ABL2: variants seen among roughly 807,000 people sequenced by gnomAD.
The protein encoded by ABL2 is ABL proto-oncogene 2, non-receptor tyrosine kinase.
Under a neutral mutation model 107.7 loss-of-function variants are expected in ABL2, and 49 were observed. That is an observed-to-expected ratio of 0.45 (90% confidence interval 0.36 to 0.58). ABL2 has a LOEUF of 0.58. Ranked by LOEUF, ABL2 falls within the 20% of genes least tolerant of loss-of-function variation. ABL2 has a pLI of 0.00. For missense variants in ABL2, 1,245 were observed against 1,457.0 expected, an observed-to-expected ratio of 0.85 and a Z score of 2.37; for synonymous variants, 549 against 548.6, an observed-to-expected ratio of 1.00 and a Z score of -0.01.
intron 1 of ABL2, among the ~76,000 whole-genome samples, chr1:179,220,610 C>G (rs955706026): frequency 3.4e-4 from 51 of 152,204 alleles, no homozygotes; most frequent in African/African-American, 1.2e-3. Flanking sequence ...GCATGGAATA[C>G]AGAAAACAAA....
intron 1 of ABL2, among the ~76,000 whole-genome samples, chr1:179,169,243 A>G (rs866305917): frequency 5.3e-5 from 8 of 152,142 alleles, no homozygotes; most frequent in African/African-American, 1.4e-4. Flanking sequence ...ATGAGAAACA[A>G]TAACAGTTGA....
Position 179,118,758 on chromosome 1 carries a change from C to A in ABL2, c.1052G>T (p.Cys351Phe). The A allele has an allele frequency of 6.2e-7, 1 of 1,613,894 alleles. No homozygotes were observed. Among genetic ancestry groups the A allele is most frequent in the Admixed American group, 1.7e-5 (1 of 59,968 alleles). Residue 351 changes from cysteine (C) to phenylalanine (F), a missense_variant, in exon 7 of 12, where the codon TGT becomes TTT. Cys to Phe is a radical substitution (Grantham distance 205). Coordinates refer to ENST00000502732, the MANE Select transcript of ABL2 (RefSeq NM_007314.4). ...AATGTAAAATGGTGGCTCCAAAGTA[C>A]ACACACCTAAAAGTTGAACAATAGT... is the stretch of plus-strand genomic sequence containing the variant. Reference protein sequence around the residue: ...HPNLVQLLGVCTLEPPFYIVT... With the variant: ...HPNLVQLLGVFTLEPPFYIVT...
chr1:179,158,678 C>A (rs1036351314), intron 1 of ABL2, among the ~76,000 whole-genome samples: 3 of 152,054 alleles, frequency 2.0e-5, no homozygotes, highest in Non-Finnish European at 2.9e-5. Flanking sequence ...ACATGGGTAG[C>A]GCACACACAC....
At chr1:179,157,249 C>T (rs1658754320) in intron 1 of ABL2, among the ~76,000 whole-genome samples, 1 of 152,126 alleles carries the variant, frequency 6.6e-6, no homozygotes, top group Non-Finnish European at 1.5e-5. Flanking sequence ...AATCCCAGAA[C>T]TTTGGGAGGC....
chr1:179,147,181 CAAA>C (rs58297805), intron 1 of ABL2, among the ~76,000 whole-genome samples: 7 of 50,534 alleles, frequency 1.4e-4, no homozygotes, highest in African/African-American at 4.5e-4. Flanking sequence ...CAGAGAAATG[CAAA>C]AAAAAAAAAA....
rs1242972437 is a variant in ABL2 at position 179,150,076 on chromosome 1, A to AT, written c.158-16703dup. Among the ~76,000 whole-genome samples the AT allele has an allele frequency of 3.2e-4, 48 of 150,456 alleles. No individual in the cohort carries two copies. In the East Asian group the frequency reaches 4.7e-3, roughly 15 times the overall value. The stretch of plus-strand genomic sequence containing the variant: ...GTGAGACCCCATCTCTAAAAAAAAA[A>AT]TTTTTTTTTTCTAATTATCCAGGCA... On this transcript the variant is annotated intron_variant, in intron 1 of 11. Coordinates refer to ENST00000502732, the MANE Select transcript of ABL2 (RefSeq NM_007314.4).
chr1:179,144,193 C>G (rs1208734140), intron 1 of ABL2, among the ~76,000 whole-genome samples: 1 of 152,044 alleles, frequency 6.6e-6, no homozygotes, highest in Non-Finnish European at 1.5e-5. Context: ...GGCGGTGGCT[C>G]ACGCCTGTAA....
chr1:179,107,201 C>A lies in ABL2; in HGVS notation c.*517G>T. 4.3e-6 allele frequency: 1 copy of A among 234,348 alleles called. No homozygotes were observed. Among genetic ancestry groups the A allele is most frequent in the Non-Finnish European group, 8.4e-6 (1 of 118,802 alleles). The allele number at this position is 234,348 out of a possible 1,614,324, so 14.5% of individuals were successfully genotyped here. A position where few individuals can be genotyped will look rare whatever the true frequency, so the allele number is the denominator to read the frequency against. On this transcript the variant is annotated 3_prime_UTR_variant, in exon 12 of 12. Coordinates refer to ENST00000502732, the MANE Select transcript of ABL2 (RefSeq NM_007314.4). The stretch of plus-strand genomic sequence containing the variant: ...TGATTTGCAGTTCTTATTACAGCAG[C>A]AATGGCCTTGTGGAAGCAAGGCTAA...
intron 1 of ABL2, among the ~76,000 whole-genome samples, chr1:179,190,597 G>T (rs530488025): frequency 1.3e-5 from 2 of 152,046 alleles, no homozygotes; most frequent in Non-Finnish European, 2.9e-5. Context: ...CAGAGACGTG[G>T]GGGGTGGGGT....
At chr1:179,209,405 G>A (rs1474524785) in intron 1 of ABL2, among the ~76,000 whole-genome samples, 1 of 152,144 alleles carries the variant, frequency 6.6e-6, no homozygotes, top group Non-Finnish European at 1.5e-5. Flanking sequence ...AAGTTTCCCT[G>A]TTGATTTGGG....
intron 1 of ABL2, among the ~76,000 whole-genome samples, chr1:179,182,039 G>A (rs184894718): frequency 7.2e-5 from 10 of 138,770 alleles, no homozygotes; most frequent in Admixed American, 5.0e-4. Context: ...CTCATGACCC[G>A]CCTGCCTCAG....
rs181902372 is a variant in ABL2 at position 179,116,895 on chromosome 1, C to T, written c.1408+437G>A. The T allele has an allele frequency of 4.8e-3, 946 of 198,434 alleles. 7 individuals are homozygous for T. The highest frequency in any genetic ancestry group is 7.1e-3 in the Non-Finnish European group (685 of 96,124). 12.3% of individuals were successfully genotyped at this position (198,434 alleles called of 1,614,324 possible). A position where few individuals can be genotyped will look rare whatever the true frequency, so the allele number is the denominator to read the frequency against. On this transcript the variant is annotated intron_variant, in intron 8 of 11. Coordinates refer to ENST00000502732, the MANE Select transcript of ABL2 (RefSeq NM_007314.4). ...TTGCCCAGGCTGGAGTGCAGTGGCG[C>T]CATCTTGGCTCACTGCAACCTCTGC...
intron 1 of ABL2, among the ~76,000 whole-genome samples, chr1:179,183,442 A>AAGAC (rs1341784507): frequency 6.6e-6 from 1 of 152,190 alleles, no homozygotes; most frequent in Admixed American, 6.5e-5. Flanking sequence ...CACTTAAAGG[A>AAGAC]AGACAATCAC....
chr1:179,173,204 C>A (rs1428019295), intron 1 of ABL2, among the ~76,000 whole-genome samples: 11 of 146,474 alleles, frequency 7.5e-5, no homozygotes, highest in African/African-American at 2.2e-4. Flanking sequence ...AAAAAAAAAA[C>A]AACAACAGAA....
In ABL2 at chr1:179,103,659, T is replaced by A. The variant is rs1475490840; in HGVS notation, c.*4059A>T. 1 of 224,634 alleles carries A rather than the reference T, an allele frequency of 4.5e-6. No homozygotes were observed. The highest frequency in any genetic ancestry group is 8.9e-6 in the Non-Finnish European group (1 of 112,560). 13.9% of individuals were successfully genotyped at this position (224,634 alleles called of 1,614,324 possible). On this transcript the variant is annotated 3_prime_UTR_variant, in exon 12 of 12. Coordinates refer to ENST00000502732, the MANE Select transcript of ABL2 (RefSeq NM_007314.4). ...GGCTTGTGTTCCCATTACTCCACATTCAAGCCCCTTAAGGTCAAAGTGTCA... is the reference window on the plus strand; with the variant it reads ...GGCTTGTGTTCCCATTACTCCACATACAAGCCCCTTAAGGTCAAAGTGTCA...
intron 1 of ABL2, among the ~76,000 whole-genome samples, chr1:179,210,571 T>C (rs1406361686): frequency 6.8e-6 from 1 of 147,814 alleles, no homozygotes; most frequent in East Asian, 2.0e-4. Flanking sequence ...ATAAAAATAT[T>C]TCGCCAGGCG....
At chr1:179,186,465 G>A (rs1187385669) in intron 1 of ABL2, among the ~76,000 whole-genome samples, 2 of 151,700 alleles carry the variant, frequency 1.3e-5, no homozygotes, top group South Asian at 2.1e-4. Context: ...TGAAATCTCC[G>A]CCTCCTGAGT....
rs529352593 is a variant in ABL2, at chr1:179,109,688, G to C, written c.1826-247C>G. Among the ~76,000 whole-genome samples the C allele has an allele frequency of 6.6e-5, 10 of 152,208 alleles. No homozygotes were observed. The East Asian group carries it at 9.7e-4, about 15-fold the overall frequency. On this transcript the variant is annotated intron_variant, in intron 11 of 11. Transcript: ENST00000502732. ...TCACGCCTGTAATCCCAGCACTTTG[G>C]GGGGCTGAGGCAGGAGGATCAGGAG... is the stretch of plus-strand genomic sequence containing the variant.
At chr1:179,118,955 C>A (rs2102618439) in intron 6 of ABL2, among the ~76,000 whole-genome samples, 191 bp from the exon 7 acceptor site, 1 of 152,276 alleles carries the variant, frequency 6.6e-6, no homozygotes, top group East Asian at 1.9e-4. Flanking sequence ...CTTGCTTTCA[C>A]TGTATTGTTC....
Sources: gnomAD v4.1 joint callset for allele counts (sites outside exome capture counted in the v4.1 genomes callset) on GRCh38, gnomAD v4.1.1 for gene constraint, MANE v1.5 for transcripts, NCBI Gene and HGNC (gene_info 2026-07-23, HGNC 2026-07-21) for gene names.